PACRG: variants seen among roughly 807,000 people sequenced by gnomAD.
The protein encoded by PACRG is parkin coregulated gene protein.
PACRG carries 29 observed loss-of-function variants against 29.7 expected under a neutral mutation model. The observed-to-expected ratio is 0.98, with a 90% confidence interval of 0.73 to 1.33. The LOEUF (loss-of-function observed/expected upper bound fraction) is 1.33. PACRG is among the 40% of genes most tolerant of loss of function. The pLI is 0.00. For missense variants in PACRG, 279 were observed against 316.2 expected (o/e 0.88, Z 0.89); for synonymous variants, 116 against 118.7 (o/e 0.98, Z 0.15).
At chr6:163,038,986 T>G (rs1369512771) in intron 2 of PACRG, among the ~76,000 whole-genome samples, 3 of 152,222 alleles carry the variant, frequency 2.0e-5, no homozygotes, top group African/African-American at 7.2e-5. Context: ...CCTAGTTAAC[T>G]GATATGGTTT....
At chr6:163,314,096 C>G (rs1361695033) in intron 4 of PACRG, among the ~76,000 whole-genome samples, 1 of 152,144 alleles carries the variant, frequency 6.6e-6, no homozygotes, top group Non-Finnish European at 1.5e-5. Flanking sequence ...AATTGCTTCC[C>G]TCGTAGCATC....
chr6:162,898,627 A>G (rs1256185778), intron 2 of PACRG, among the ~76,000 whole-genome samples: 3 of 152,064 alleles, frequency 2.0e-5, no homozygotes, highest in Admixed American at 6.6e-5. Context: ...CTCTGTGTCT[A>G]TTTTTTCATC....
At chr6:162,949,094 C>T (rs1425242492) in intron 2 of PACRG, among the ~76,000 whole-genome samples, 9 of 152,092 alleles carry the variant, frequency 5.9e-5, no homozygotes, top group Admixed American at 5.9e-4. Context: ...ATGAATCAGC[C>T]TAATTATTCC....
chr6:162,787,824 AT>A (rs35107188), intron 1 of PACRG, among the ~76,000 whole-genome samples: 53,857 of 149,998 alleles, frequency 0.36, 11,071 homozygotes, highest in South Asian at 0.62. Context: ...CTGTCCTCTA[AT>A]TTTTTTTTGA....
chr6:163,148,143 G>A (rs1019724264), intron 4 of PACRG, among the ~76,000 whole-genome samples: 1 of 152,156 alleles, frequency 6.6e-6, no homozygotes, highest in African/African-American at 2.4e-5. Context: ...GTGTGTTGAG[G>A]GCGGGTATTC....
chr6:162,987,784 CTG>C (rs1450747793), intron 2 of PACRG, among the ~76,000 whole-genome samples: 1 of 152,210 alleles, frequency 6.6e-6, no homozygotes, highest in Non-Finnish European at 1.5e-5. Context: ...TAGATAGACT[CTG>C]TGAGAGTCCT....
intron 3 of PACRG, among the ~76,000 whole-genome samples, chr6:163,085,278 C>G (rs1813453300): frequency 6.6e-6 from 1 of 152,190 alleles, no homozygotes; most frequent in South Asian, 2.1e-4. Flanking sequence ...TCCTTCCTCA[C>G]TAAGCAGTTT....
At chr6:162,890,100 A>T (rs530071433) in intron 2 of PACRG, among the ~76,000 whole-genome samples, 22 of 152,362 alleles carry the variant, frequency 1.4e-4, no homozygotes, top group Admixed American at 1.4e-3. Flanking sequence ...ATTAAAATGT[A>T]TTACATTGAG....
rs1043171405 is a variant in PACRG at position 162,861,290 on chromosome 6, A to C, written c.291+47009A>C. On this transcript the variant is annotated intron_variant, in intron 2 of 4. Transcript: ENST00000366888. ...TCTGATGTCTTAATTCAATTGGCTG[A>C]TATATATTCCCAGTTTTCACTCATA... is the stretch of plus-strand genomic sequence containing the variant. Among the ~76,000 whole-genome samples the C allele has an allele frequency of 3.3e-5, 5 of 151,932 alleles. 1 individual carries two copies. The South Asian group carries it at 1.0e-3, about 31-fold the overall frequency.
At chr6:162,739,373 C>G (rs1780397054) in intron 1 of PACRG, among the ~76,000 whole-genome samples, 1 of 152,114 alleles carries the variant, frequency 6.6e-6, no homozygotes, top group Non-Finnish European at 1.5e-5. Flanking sequence ...TGACATATAG[C>G]TGTACTTAAC....
chr6:163,161,870 A>G (rs1237473925), intron 4 of PACRG, among the ~76,000 whole-genome samples: 2 of 152,202 alleles, frequency 1.3e-5, no homozygotes, highest in South Asian at 4.1e-4. Flanking sequence ...TCGAGTATTT[A>G]GAAAGGGATT....
At chr6:163,053,584 A>G (rs1810251614) in intron 2 of PACRG, among the ~76,000 whole-genome samples, 2 of 152,230 alleles carry the variant, frequency 1.3e-5, no homozygotes, top group Non-Finnish European at 2.9e-5. Flanking sequence ...AATGAGGGAA[A>G]ACACAAGCAC....
chr6:162,791,551 G>T (rs564361663), intron 1 of PACRG, among the ~76,000 whole-genome samples: 74 of 152,192 alleles, frequency 4.9e-4, no homozygotes, highest in Admixed American at 1.3e-3. Flanking sequence ...TATTTGCCTT[G>T]TTCACTCCTA....
intron 1 of PACRG, among the ~76,000 whole-genome samples, chr6:162,730,811 A>G (rs1779709950): frequency 6.6e-6 from 1 of 152,200 alleles, no homozygotes; most frequent in Non-Finnish European, 1.5e-5. Context: ...ATTCAAATTC[A>G]CATTTTTATA....
intron 2 of PACRG, among the ~76,000 whole-genome samples, chr6:162,818,619 CATATT>C (rs1190912560): frequency 6.6e-6 from 1 of 152,148 alleles, no homozygotes; most frequent in African/African-American, 2.4e-5. Context: ...ATAACTATAT[CATATT>C]ATAAACCATT....
chr6:163,162,512 C>G (rs1315292029), intron 4 of PACRG, among the ~76,000 whole-genome samples: 1 of 152,236 alleles, frequency 6.6e-6, no homozygotes, highest in African/African-American at 2.4e-5. Context: ...TTCTTCCTCT[C>G]CTGCTCCATC....
intron 3 of PACRG, among the ~76,000 whole-genome samples, chr6:163,081,222 G>C (rs540417759): frequency 3.9e-5 from 6 of 152,038 alleles, no homozygotes; most frequent in Admixed American, 3.9e-4. Flanking sequence ...GCTATAATGG[G>C]CCCAAAACAT....
At chr6:162,858,843 G>A (rs530141758) in intron 2 of PACRG, among the ~76,000 whole-genome samples, 4 of 152,270 alleles carry the variant, frequency 2.6e-5, no homozygotes, top group Non-Finnish European at 4.4e-5. Flanking sequence ...AAGTGAGGCC[G>A]CAGGTCAAAG....
chr6:162,928,120 G>A (rs1368038025), intron 2 of PACRG, among the ~76,000 whole-genome samples: 3 of 151,916 alleles, frequency 2.0e-5, no homozygotes, highest in Non-Finnish European at 2.9e-5. Flanking sequence ...TTAAAAGTTC[G>A]GTAGAATTTG....
Sources: allele counts gnomAD v4.1 joint callset (sites outside exome capture counted in the v4.1 genomes callset), GRCh38; gene constraint gnomAD v4.1.1; transcripts MANE v1.5; gene names NCBI Gene and HGNC (gene_info 2026-07-23, HGNC 2026-07-21).